The following PCDHA5 variants were observed in gnomAD, a reference collection of about 807,000 sequenced individuals.
PCDHA5 encodes protocadherin alpha 5.
A neutral mutation model predicts 61.6 loss-of-function variants in PCDHA5; 43 were observed. That is an observed-to-expected ratio of 0.70 (90% confidence interval 0.55 to 0.90). PCDHA5 has a LOEUF of 0.90. Among genes scored for constraint, PCDHA5 ranks in the 40% least tolerant of loss-of-function variants. PCDHA5 has a pLI of 0.00. For synonymous variants in PCDHA5, 627 were observed against 543.9 expected, an observed-to-expected ratio of 1.15 and a Z score of -2.13; for missense variants, 1,298 against 1,222.7, an observed-to-expected ratio of 1.06 and a Z score of -0.92.
chr5:140,908,587 T>G (rs186345728), intron 1 of PCDHA5, among the ~76,000 whole-genome samples: 3 of 152,298 alleles, frequency 2.0e-5, no homozygotes, highest in East Asian at 3.9e-4. Context: ...AGTAGTTAGC[T>G]GCAGAAGATG....
At chr5:140,869,286 G>A in intron 1 of PCDHA5, 2 of 1,613,616 alleles carry the variant, frequency 1.2e-6, no homozygotes, top group Non-Finnish European at 1.7e-6. Context: ...AGCTGGTGCA[G>A]CGCCTGTTCC....
At chr5:140,882,675 G>A in intron 1 of PCDHA5, 1 of 1,614,218 alleles carries the variant, frequency 6.2e-7, no homozygotes, top group Non-Finnish European at 8.5e-7. Context: ...TTCCCTGAAA[G>A]CAAGAAACGA....
intron 3 of PCDHA5, among the ~76,000 whole-genome samples, chr5:140,995,853 A>G (rs934469128): frequency 4.6e-5 from 7 of 152,220 alleles, no homozygotes. Context: ...TTTCTATCGT[A>G]TCACTTAATA....
At chr5:140,981,583 T>TA (rs2096939530) in intron 2 of PCDHA5, among the ~76,000 whole-genome samples, 1 of 152,098 alleles carries the variant, frequency 6.6e-6, no homozygotes, top group Non-Finnish European at 1.5e-5. Flanking sequence ...CAAAAATAAA[T>TA]AAAATAAAAC....
chr5:140,836,713 C>T, intron 1 of PCDHA5: 2 of 1,613,054 alleles, frequency 1.2e-6, no homozygotes, highest in Non-Finnish European at 1.7e-6. Flanking sequence ...CCCAGCCTTC[C>T]TCAGGGTCCA....
chr5:140,881,301 A>C (rs1432436745), intron 1 of PCDHA5: 2 of 957,940 alleles, frequency 2.1e-6, no homozygotes, highest in Admixed American at 1.2e-4. Context: ...TGGAAACTTT[A>C]ACCTCCTGGT....
chr5:140,890,220 C>A (rs955015481), intron 1 of PCDHA5, among the ~76,000 whole-genome samples: 18 of 152,044 alleles, frequency 1.2e-4, no homozygotes, highest in Non-Finnish European at 2.6e-4. Flanking sequence ...TCCCAGAGAC[C>A]TAGTTGTTAA....
intron 1 of PCDHA5, chr5:140,868,982 A>T: frequency 6.7e-7 from 1 of 1,495,310 alleles, no homozygotes; most frequent in East Asian, 2.3e-5. Context: ...ATCATACCGG[A>T]TGCCACCGTT....
chr5:140,857,703 T>C (rs782327503), intron 1 of PCDHA5: 6 of 1,597,222 alleles, frequency 3.8e-6, no homozygotes, highest in Middle Eastern at 1.8e-4. Flanking sequence ...ACGCTGCAGG[T>C]GTTCGTGCTG....
At chr5:140,958,503 C>T (rs1426161443) in intron 1 of PCDHA5, among the ~76,000 whole-genome samples, 1 of 152,118 alleles carries the variant, frequency 6.6e-6, no homozygotes, top group Non-Finnish European at 1.5e-5. Context: ...TCCTAGGAGG[C>T]ATGGCTGTCC....
At chr5:140,931,675 A>G (rs2087672558) in intron 1 of PCDHA5, among the ~76,000 whole-genome samples, 1 of 151,968 alleles carries the variant, frequency 6.6e-6, no homozygotes, top group Admixed American at 6.5e-5. Context: ...TTCCTTATAA[A>G]TAAATGAATT....
intron 1 of PCDHA5, chr5:140,966,838 G>T: frequency 6.4e-7 from 1 of 1,566,772 alleles, no homozygotes. Flanking sequence ...CCTGGCTGCT[G>T]CTACTGCCTC....
chr5:141,009,103 C>G (rs1440460108), intron 3 of PCDHA5, among the ~76,000 whole-genome samples: 1 of 152,170 alleles, frequency 6.6e-6, no homozygotes, highest in African/African-American at 2.4e-5. Flanking sequence ...ACATATGTTA[C>G]TATGAAACTA....
chr5:140,928,057 G>A, intron 1 of PCDHA5: 1 of 1,614,178 alleles, frequency 6.2e-7, no homozygotes. Context: ...TCAGCTGACG[G>A]CTTCCTTTGA....
intron 1 of PCDHA5, among the ~76,000 whole-genome samples, chr5:140,963,688 G>A (rs185853589): frequency 5.9e-5 from 9 of 152,274 alleles, no homozygotes; most frequent in Admixed American, 5.9e-4. Context: ...GTTTATCCGT[G>A]TTTGATATCT....
At chr5:140,831,021 T>G in intron 1 of PCDHA5, 1 of 152,424 alleles carries the variant, frequency 6.6e-6, no homozygotes, top group Non-Finnish European at 1.5e-5. Context: ...CTTTTCAGAC[T>G]TGTGATTCCG....
At chr5:140,866,322 C>G (rs1235184378) in intron 1 of PCDHA5, 1 of 152,052 alleles carries the variant, frequency 6.6e-6, no homozygotes, top group Non-Finnish European at 1.5e-5. Context: ...TTCAGGGACC[C>G]TGAACTTGGC....
At chr5:140,900,439 G>A (rs1348507716) in intron 1 of PCDHA5, among the ~76,000 whole-genome samples, 1 of 152,242 alleles carries the variant, frequency 6.6e-6, no homozygotes, top group East Asian at 1.9e-4. Context: ...CACCACGGCC[G>A]GCTAATTTTT....
At chr5:140,899,781 T>C (rs1187719719) in intron 1 of PCDHA5, among the ~76,000 whole-genome samples, 1 of 152,218 alleles carries the variant, frequency 6.6e-6, no homozygotes, top group Non-Finnish European at 1.5e-5. Context: ...TTACCTCTGG[T>C]ATAATTCGGC....
Sources: allele counts gnomAD v4.1 joint callset (sites outside exome capture counted in the v4.1 genomes callset), GRCh38; gene constraint gnomAD v4.1.1; transcripts MANE v1.5; gene names NCBI Gene and HGNC (gene_info 2026-07-23, HGNC 2026-07-21).